Variants in KIAA1755 observed in about 807,000 individuals in gnomAD.
The protein encoded by KIAA1755 is KIAA1755.
A neutral mutation model predicts 91.7 loss-of-function variants in KIAA1755; 68 were observed. The ratio of observed to expected loss-of-function variants is 0.74; its 90% confidence interval spans 0.61 to 0.91. The LOEUF is 0.91. Among genes scored for constraint, KIAA1755 ranks in the 40% least tolerant of loss-of-function variants. The probability of loss-of-function intolerance (pLI) is 0.00; values close to 1 mark genes in which losing one functional copy is unlikely to be tolerated. For missense variants in KIAA1755, 1,535 were observed against 1,494.4 expected (o/e 1.03, Z -0.45); for synonymous variants, 610 against 604.6 (o/e 1.01, Z -0.13).
rs769323569 is a variant in KIAA1755, at chr20:38,217,241, C to A, written c.2901+12G>T. 3 of 1,583,344 alleles carry A rather than the reference C, an allele frequency of 1.9e-6. No individual in the cohort carries two copies. The highest frequency in any genetic ancestry group is 2.6e-6 in the Non-Finnish European group (3 of 1,167,560). On this transcript the variant is annotated intron_variant, in intron 13 of 13. Transcript: ENST00000279024. ...TCGGGGGGTATCTGTGCAGGTGGGC[C>A]GCGGGGCTCACCCTCTTGCAGAAGC...
At chr20:38,252,053 A>T (rs1430569957) in intron 1 of KIAA1755, among the ~76,000 whole-genome samples, 1 of 152,096 alleles carries the variant, frequency 6.6e-6, no homozygotes, top group East Asian at 1.9e-4. Context: ...TCTGCATCCT[A>T]ACCTCAGGGA....
intron 4 of KIAA1755, chr20:38,236,835 G>T (rs974109122): frequency 6.6e-6 from 1 of 152,240 alleles, no homozygotes; most frequent in Non-Finnish European, 1.5e-5. Context: ...GTAAAAGGGT[G>T]AGGGTGGGAA....
At position 38,211,815 on chromosome 20, in the gene KIAA1755, T is replaced by C. The variant is rs148440291; in HGVS notation, c.*1227A>G. 1 of 152,360 alleles carries C rather than the reference T, an allele frequency of 6.6e-6. No individual in the cohort carries two copies. The highest frequency in any genetic ancestry group is 1.5e-5 in the Non-Finnish European group (1 of 68,042). 9.4% of individuals were successfully genotyped at this position (152,360 alleles called of 1,614,324 possible). Reference sequence around the variant, plus strand: ...GCACAGAAGACATGTCCTTCCTTTCTAAGCACAGGAACCGGCCTCTGGCTC... The same window carrying C: ...GCACAGAAGACATGTCCTTCCTTTCCAAGCACAGGAACCGGCCTCTGGCTC... On this transcript the variant is annotated 3_prime_UTR_variant, in exon 14 of 14. Transcript: ENST00000279024.
intron 6 of KIAA1755, 101 bp from the exon 7 acceptor site, chr20:38,227,341 G>T (rs2075777678): frequency 1.3e-6 from 1 of 798,546 alleles, no homozygotes; most frequent in Non-Finnish European, 2.0e-6. Context: ...CAGGCAAATG[G>T]GTCACAAGGA....
chr20:38,210,644 G>T lies in KIAA1755; in HGVS notation c.*2398C>A, dbSNP rs1274712747. ...TTCTGGGGACAGAGGGATGCACAAG[G>T]TAACCTTGGGGACTCCTCCCGCCCA... On this transcript the variant is annotated 3_prime_UTR_variant, in exon 14 of 14. Transcript: ENST00000279024. 3 of 152,220 alleles carry T rather than the reference G, an allele frequency of 2.0e-5. No individual in the cohort carries two copies. The highest frequency in any genetic ancestry group is 6.5e-5 in the Admixed American group (1 of 15,286). 9.4% of individuals were successfully genotyped at this position (152,220 alleles called of 1,614,324 possible). A position where few individuals can be genotyped will look rare whatever the true frequency, so the allele number is the denominator to read the frequency against.
At chr20:38,231,090 C>T in intron 5 of KIAA1755, 112 bp downstream of exon 5, 1 of 1,211,716 alleles carries the variant, frequency 8.3e-7, no homozygotes, top group Non-Finnish European at 1.1e-6. Context: ...GCTCTGTGAA[C>T]AGACGACTGG....
chr20:38,229,200 C>T (rs1169980399), intron 5 of KIAA1755, among the ~76,000 whole-genome samples: 2 of 152,242 alleles, frequency 1.3e-5, no homozygotes, highest in Non-Finnish European at 1.5e-5. Context: ...AGCTGTGGCA[C>T]TGCCATTAGT....
In KIAA1755 at chr20:38,212,696, T is replaced by G. The variant is rs1199449460; in HGVS notation, c.*346A>C. On this transcript the variant is annotated 3_prime_UTR_variant, in exon 14 of 14. Coordinates refer to ENST00000279024, the MANE Select transcript of KIAA1755 (RefSeq NM_001029864.2). ...GGGAGAGCTGTGTATGTTCCTGAGCTGCAGGTGGGTGTCTGCCTGCCTGCG... is the reference window on the plus strand; with the variant it reads ...GGGAGAGCTGTGTATGTTCCTGAGCGGCAGGTGGGTGTCTGCCTGCCTGCG... 4.8e-6 allele frequency: 1 copy of G among 210,148 alleles called. No homozygotes were observed. Among genetic ancestry groups the G allele is most frequent in the Non-Finnish European group, 9.6e-6 (1 of 103,794 alleles). The allele number at this position is 210,148 out of a possible 1,614,324, so 13.0% of individuals were successfully genotyped here.
chr20:38,257,330 G>A lies in KIAA1755; in HGVS notation c.3+3168C>T, dbSNP rs148218803. 1.6e-3 allele frequency among the ~76,000 whole-genome samples: 236 copies of A among 152,050 alleles called. 4 individuals are homozygous for A. The East Asian group carries it at 0.038, about 24-fold the overall frequency. Reference sequence around the variant, plus strand: ...GGGTGGTGGCTCATGCCTGTAAACCGAGCACTTTGGGAGGTTGAGGTGGGA... The same window carrying A: ...GGGTGGTGGCTCATGCCTGTAAACCAAGCACTTTGGGAGGTTGAGGTGGGA... On this transcript the variant is annotated intron_variant, in intron 1 of 13. Transcript: ENST00000279024.
chr20:38,230,734 C>T (rs995640182), intron 5 of KIAA1755, among the ~76,000 whole-genome samples: 2 of 152,026 alleles, frequency 1.3e-5, no homozygotes, highest in Non-Finnish European at 2.9e-5. Flanking sequence ...ACTAAAAATA[C>T]AAAATTAGCC....
Position 38,241,063 on chromosome 20 carries a change from G to T in KIAA1755, c.1068C>A (p.Val356=). The T allele has an allele frequency of 1.2e-6, 2 of 1,614,140 alleles. No individual in the cohort carries two copies. The highest frequency in any genetic ancestry group is 2.2e-5 in the East Asian group (1 of 44,882). Reference sequence around the variant, plus strand: ...AGTTGTGGGTGGGTGCTTTAAGATTGACCTTTCTCCTGAAGCCCAAATTAT... The same window carrying T: ...AGTTGTGGGTGGGTGCTTTAAGATTTACCTTTCTCCTGAAGCCCAAATTAT... ...RPYNLGFRRK[V]NLKAPTHNSE... Residue 356 remains valine (V), a synonymous_variant, in exon 3 of 14, where the codon GTC becomes GTA. Transcript: ENST00000279024.
chr20:38,231,133 C>T (rs990846463), intron 5 of KIAA1755, 69 bp downstream of exon 5: 1 of 1,499,732 alleles, frequency 6.7e-7, no homozygotes, highest in Non-Finnish European at 9.0e-7. Flanking sequence ...CACTCAGTGT[C>T]TGGTCCAGGG....
At chr20:38,221,740 A>G (rs138009502) in intron 10 of KIAA1755, among the ~76,000 whole-genome samples, 12 of 152,366 alleles carry the variant, frequency 7.9e-5, no homozygotes, top group Admixed American at 4.6e-4. Flanking sequence ...TTAAAAGCTC[A>G]TGCATACCAG....
At chr20:38,217,131 C>T (rs2075559304) in intron 13 of KIAA1755, 122 bp downstream of exon 13, 1 of 838,978 alleles carries the variant, frequency 1.2e-6, no homozygotes, top group South Asian at 1.6e-5. Flanking sequence ...TCTAGGTATC[C>T]AAGGGATGGG....
At chr20:38,260,096 C>T (rs2076419486) in intron 1 of KIAA1755, 2 of 886,440 alleles carry the variant, frequency 2.3e-6, no homozygotes, top group African/African-American at 3.5e-5. Flanking sequence ...GGGACTTTAA[C>T]CCCCACCACC....
At chr20:38,215,800 T>C (rs767244203) in intron 13 of KIAA1755, among the ~76,000 whole-genome samples, 1 of 152,190 alleles carries the variant, frequency 6.6e-6, no homozygotes, top group East Asian at 1.9e-4. Flanking sequence ...GAGGCACTAC[T>C]CCTCTTCTTC....
Position 38,213,169 on chromosome 20 carries a change from A to G in KIAA1755, c.3476T>C (p.Phe1159Ser), listed in dbSNP as rs2075478584. ...AREHLLATTF[F>S]RQQPPRQSQV... ...GCTCTGCCTGGGGGGCTGCTGCCGG[A>G]AGAAGGTGGTGGCAAGCAAATGCTC... Residue 1159 changes from phenylalanine (F) to serine (S), a missense_variant, in exon 14 of 14, where the codon TTC becomes TCC. Physicochemically the swap from Phe to Ser is radical, Grantham distance 155 (BLOSUM62 -2). Transcript: ENST00000279024. 1 of 1,613,604 alleles carries G rather than the reference A, an allele frequency of 6.2e-7. No homozygotes were observed. Among genetic ancestry groups the G allele is most frequent in the Non-Finnish European group, 8.5e-7 (1 of 1,179,916 alleles).
In KIAA1755 at chr20:38,240,873, C is replaced by A; in HGVS notation, c.1258G>T (p.Ala420Ser). The change falls in exon 3 of 14, where the codon GCC (alanine) becomes TCC (serine). Residue 420 changes from alanine to serine, a missense_variant. Physicochemically the swap from Ala to Ser is moderately conservative, Grantham distance 99. Coordinates refer to ENST00000279024, the MANE Select transcript of KIAA1755 (RefSeq NM_001029864.2). ...MVQLRPGPRQ[A>S]SSPRLSPASP... ...GCTGGGGACAGGCGGGGAGAGGAGG[C>A]TTGTCTTGGTCCAGGCCTGAGCTGC... 1 of 1,614,018 alleles carries A rather than the reference C, an allele frequency of 6.2e-7. No homozygotes were observed.
chr20:38,240,738 CA>C lies in KIAA1755; in HGVS notation c.1392del (p.Glu465SerfsTer12). ...AATTTGAGCCCAGGAGTGGGGGGCT[CA>C]GGGGAGGAGGTGTTTCTGCTAGGGC... ...MPCPSRNTSS[P>X]EPPTPGLKFS... is the part of the protein sequence containing the mutation. On this transcript the variant is annotated frameshift_variant, in exon 3 of 14. Coordinates refer to ENST00000279024, the MANE Select transcript of KIAA1755 (RefSeq NM_001029864.2). LOFTEE classifies it high-confidence loss of function. The C allele has an allele frequency of 6.3e-7, 1 of 1,576,352 alleles. No individual in the cohort carries two copies.
Sources: allele counts gnomAD v4.1 joint callset (sites outside exome capture counted in the v4.1 genomes callset), GRCh38; gene constraint gnomAD v4.1.1; transcripts MANE v1.5; gene names NCBI Gene and HGNC (gene_info 2026-07-23, HGNC 2026-07-21).